FBXO8: variants seen among roughly 807,000 people sequenced by gnomAD.
The protein encoded by FBXO8 is F-box protein 8, also known as F-box only protein 8.
A neutral mutation model predicts 33.4 loss-of-function variants in FBXO8; 15 were observed. The ratio of observed to expected loss-of-function variants is 0.45; its 90% confidence interval spans 0.30 to 0.69. FBXO8 has a LOEUF of 0.69. Ranked by LOEUF, FBXO8 falls within the 30% of genes least tolerant of loss-of-function variation. The probability of loss-of-function intolerance (pLI) is 0.08; values close to 1 mark genes in which losing one functional copy is unlikely to be tolerated. For missense variants in FBXO8, 274 were observed against 380.3 expected (o/e 0.72, Z 2.32); for synonymous variants, 132 against 131.5 (o/e 1.00, Z -0.02).
rs1736327096 is a variant in FBXO8, at chr4:174,252,848, G to A, written c.456+6851C>T. ...TAGCCAGGTGTGGTGGCATGCACCT[G>A]TAATCCCAGCTACTCCAGAGGCTGA... is the stretch of plus-strand genomic sequence containing the variant. On this transcript the variant is annotated intron_variant, in intron 3 of 5. Coordinates refer to ENST00000393674, the MANE Select transcript of FBXO8 (RefSeq NM_012180.3). The surrounding 1 kb of genome is among the most constrained non-coding windows in gnomAD (Gnocchi z 5.1). Among the ~76,000 whole-genome samples the A allele has an allele frequency of 6.6e-6, 1 of 152,070 alleles. No individual in the cohort carries two copies. Among genetic ancestry groups the A allele is most frequent in the Non-Finnish European group, 1.5e-5 (1 of 68,010 alleles).
rs2126446965 is a variant in FBXO8, at chr4:174,272,992, T to C, written c.-8-9892A>G. ...AAAGGCAGTCTGTAAAATAACAGAA[T>C]ATTTTCCTTCAAAAACACCAATGCC... On this transcript the variant is annotated intron_variant, in intron 1 of 5. Coordinates refer to ENST00000393674, the MANE Select transcript of FBXO8 (RefSeq NM_012180.3). This position sits in a 1 kb window ranked among gnomAD's most constrained non-coding sequence, Gnocchi z 4.7. Among the ~76,000 whole-genome samples the C allele has an allele frequency of 6.6e-6, 1 of 152,266 alleles. No homozygotes were observed. Among genetic ancestry groups the C allele is most frequent in the South Asian group, 2.1e-4 (1 of 4,828 alleles).
rs1374194938 is a variant in FBXO8, at chr4:174,252,278, T to C, written c.456+7421A>G. On this transcript the variant is annotated intron_variant, in intron 3 of 5. Coordinates refer to ENST00000393674, the MANE Select transcript of FBXO8 (RefSeq NM_012180.3). The surrounding 1 kb of genome is among the most constrained non-coding windows in gnomAD (Gnocchi z 5.1). ...GCCACTGACTGTACCCAGTTAGCAATGTTTATTTTTAAAAATTTGCATTGA... is the reference window on the plus strand; with the variant it reads ...GCCACTGACTGTACCCAGTTAGCAACGTTTATTTTTAAAAATTTGCATTGA... Among the ~76,000 whole-genome samples the C allele has an allele frequency of 6.6e-6, 1 of 152,124 alleles. No homozygotes were observed. Among genetic ancestry groups the C allele is most frequent in the East Asian group, 1.9e-4 (1 of 5,188 alleles).
chr4:174,262,942 T>C lies in FBXO8; in HGVS notation c.151A>G (p.Ile51Val). Residue 51 changes from isoleucine to valine, a missense_variant, in exon 2 of 6, where the codon ATT becomes GTT. Around this residue, in one of 2 missense-constraint regions of FBXO8, gnomAD observed 88 missense variants for 86.9 expected, o/e 1.01. Transcript: ENST00000393674. The surrounding 1 kb of genome is among the most constrained non-coding windows in gnomAD (Gnocchi z 4.6). ...GCCTTCAAAAGATGATATATGTCAA[T>C]GCCTCCTTGGACTTGTTTACGATGA... is the stretch of plus-strand genomic sequence containing the variant. ...TNHRKQVQGG[I>V]DIYHLLKARK... is the part of the protein sequence containing the mutation. 6.2e-7 allele frequency: 1 copy of C among 1,614,094 alleles called. No individual in the cohort carries two copies.
At chr4:174,282,222 GT>G (rs1391060152) in intron 1 of FBXO8, among the ~76,000 whole-genome samples, 1 of 152,162 alleles carries the variant, frequency 6.6e-6, no homozygotes, top group Non-Finnish European at 1.5e-5. Context: ...TATGATCAAT[GT>G]TTTGGCTTAT....
chr4:174,276,441 T>C (rs1257659049), intron 1 of FBXO8, among the ~76,000 whole-genome samples: 1 of 152,242 alleles, frequency 6.6e-6, no homozygotes, highest in African/African-American at 2.4e-5. Flanking sequence ...TTTCACTATA[T>C]TGGCCAGGCT....
chr4:174,265,388 A>G lies in FBXO8; in HGVS notation c.-8-2288T>C, dbSNP rs1736671297. Among the ~76,000 whole-genome samples, 3 of 151,964 alleles carry G rather than the reference A, an allele frequency of 2.0e-5. No individual in the cohort carries two copies. The highest frequency in any genetic ancestry group is 4.4e-5 in the Non-Finnish European group (3 of 67,950). ...AAAGCTTATGTCCACACAAAAACCT[A>G]CACGTGAATGTTTAAAGCAGTTTTG... On this transcript the variant is annotated intron_variant, in intron 1 of 5. Coordinates refer to ENST00000393674, the MANE Select transcript of FBXO8 (RefSeq NM_012180.3). The surrounding 1 kb of genome is among the most constrained non-coding windows in gnomAD (Gnocchi z 4.7).
chr4:174,259,876 CTAAGT>C lies in FBXO8; in HGVS notation c.330-56_330-52del, dbSNP rs1241936548. On this transcript the variant is annotated intron_variant, in intron 2 of 5. Coordinates refer to ENST00000393674, the MANE Select transcript of FBXO8 (RefSeq NM_012180.3). The surrounding 1 kb of genome is among the most constrained non-coding windows in gnomAD (Gnocchi z 4.3). ...AGAAAACATTACTACATTTAATTTC[CTAAGT>C]TAAATATGCATATACATGCAAAAAT... The C allele has an allele frequency of 2.0e-6, 3 of 1,501,906 alleles. No homozygotes were observed. The highest frequency in any genetic ancestry group is 5.0e-5 in the Admixed American group (2 of 40,300). The allele number at this position is 1,501,906 out of a possible 1,614,324, so 93.0% of individuals were successfully genotyped here.
Position 174,262,885 on chromosome 4 carries a change from TA to T in FBXO8, c.207del (p.Asn70IlefsTer9). 1 of 1,614,024 alleles carries T rather than the reference TA, an allele frequency of 6.2e-7. No individual in the cohort carries two copies. ...ARKSKEQEGFINLEMLPPELS... is the reference protein window; with the variant it reads ...ARKSKEQEGFXNLEMLPPELS... ...AGCTCAGGAGGCAACATTTCCAAAT[TA>T]ATGAATCCTTCCTGTTCTTTCGATT... On this transcript the variant is annotated frameshift_variant, in exon 2 of 6. Transcript: ENST00000393674. LOFTEE classifies it high-confidence loss of function. The surrounding 1 kb of genome is among the most constrained non-coding windows in gnomAD (Gnocchi z 4.6).
At position 174,270,050 on chromosome 4, in the gene FBXO8, C is replaced by G. The variant is rs1241771528; in HGVS notation, c.-8-6950G>C. Reference sequence around the variant, plus strand: ...TACACTCAGGGAGCATGGTAGTAAACAGGAAACTTAGAAGCCTGACATGAA... The same window carrying G: ...TACACTCAGGGAGCATGGTAGTAAAGAGGAAACTTAGAAGCCTGACATGAA... On this transcript the variant is annotated intron_variant, in intron 1 of 5. Transcript: ENST00000393674. This position sits in a 1 kb window ranked among gnomAD's most constrained non-coding sequence, Gnocchi z 4.6. Among the ~76,000 whole-genome samples the G allele has an allele frequency of 6.6e-6, 1 of 152,142 alleles. No individual in the cohort carries two copies.
rs1736945494 is a variant in FBXO8, at chr4:174,275,699, T to G, written c.-9+7711A>C. Among the ~76,000 whole-genome samples, 1 of 152,180 alleles carries G rather than the reference T, an allele frequency of 6.6e-6. No individual in the cohort carries two copies. Among genetic ancestry groups the G allele is most frequent in the Non-Finnish European group, 1.5e-5 (1 of 68,032 alleles). ...AGAGGGTGAGCAAAGACATGGGAAG[T>G]CTACCATCATTTCACAAATAGTAAC... On this transcript the variant is annotated intron_variant, in intron 1 of 5. Transcript: ENST00000393674. The surrounding 1 kb of genome is among the most constrained non-coding windows in gnomAD (Gnocchi z 4.4).
At chr4:174,276,004 T>C (rs570768379) in intron 1 of FBXO8, among the ~76,000 whole-genome samples, 1 of 152,302 alleles carries the variant, frequency 6.6e-6, no homozygotes, top group South Asian at 2.1e-4. Flanking sequence ...AAAATTGGTA[T>C]AATTACTTAT....
rs199765247 is a variant in FBXO8 at position 174,239,200 on chromosome 4, G to C, written c.576-10C>G. 2.7e-6 allele frequency: 4 copies of C among 1,478,760 alleles called. No individual in the cohort carries two copies. The highest frequency in any genetic ancestry group is 2.7e-6 in the Non-Finnish European group (3 of 1,109,144). The allele number at this position is 1,478,760 out of a possible 1,614,324, so 91.6% of individuals were successfully genotyped here. A position where few individuals can be genotyped will look rare whatever the true frequency, so the allele number is the denominator to read the frequency against. On this transcript the variant is annotated splice_polypyrimidine_tract_variant and intron_variant, in intron 4 of 5. Transcript: ENST00000393674. The stretch of plus-strand genomic sequence containing the variant: ...ATCCAAGACATCTCTCCTACAGAAA[G>C]AAAAAAAGGCACAGCTTTGGTTAAC...
At chr4:174,282,685 A>T (rs1737148288) in intron 1 of FBXO8, among the ~76,000 whole-genome samples, 1 of 152,146 alleles carries the variant, frequency 6.6e-6, no homozygotes, top group Admixed American at 6.5e-5. Context: ...CCGTAATAAA[A>T]ATCATGATAT....
chr4:174,268,776 G>A (rs1736763283), intron 1 of FBXO8, among the ~76,000 whole-genome samples: 1 of 152,168 alleles, frequency 6.6e-6, no homozygotes, highest in Non-Finnish European at 1.5e-5. Context: ...GAAAAAGCAT[G>A]TGGGAAATGT....
chr4:174,269,643 G>A (rs1736786895), intron 1 of FBXO8, among the ~76,000 whole-genome samples: 2 of 149,462 alleles, frequency 1.3e-5, no homozygotes, highest in Non-Finnish European at 3.0e-5. Flanking sequence ...CGAGAATGTG[G>A]CACTCCAGCC....
intron 1 of FBXO8, among the ~76,000 whole-genome samples, chr4:174,279,038 T>C (rs1454400619): frequency 6.6e-6 from 1 of 151,938 alleles, no homozygotes; most frequent in Non-Finnish European, 1.5e-5. Flanking sequence ...AGCTATAAAA[T>C]TCCATGGTTC....
chr4:174,282,412 AC>A (rs1393198499), intron 1 of FBXO8, among the ~76,000 whole-genome samples: 2 of 152,176 alleles, frequency 1.3e-5, no homozygotes, highest in African/African-American at 4.8e-5. Flanking sequence ...GTAATTTGTT[AC>A]CCAGCAATAG....
Position 174,261,992 on chromosome 4 carries a change from C to T in FBXO8, c.329+772G>A, listed in dbSNP as rs1343548301. ...TTCCATGTTTGGTAATATTTTTAGG[C>T]CAAAAAATCATGTACCTATACTTTT... On this transcript the variant is annotated intron_variant, in intron 2 of 5. Coordinates refer to ENST00000393674, the MANE Select transcript of FBXO8 (RefSeq NM_012180.3). This position sits in a 1 kb window ranked among gnomAD's most constrained non-coding sequence, Gnocchi z 4.1. Among the ~76,000 whole-genome samples the T allele has an allele frequency of 2.6e-5, 4 of 151,830 alleles. No individual in the cohort carries two copies. The highest frequency in any genetic ancestry group is 5.9e-5 in the Non-Finnish European group (4 of 67,896).
rs1160892643 is a variant in FBXO8, at chr4:174,253,246, G to T, written c.456+6453C>A. ...AAAATTACTTTTATCATAGGATATA[G>T]TGCCACTAGAAGGAACCCCAAGACA... On this transcript the variant is annotated intron_variant, in intron 3 of 5. Transcript: ENST00000393674. This position sits in a 1 kb window ranked among gnomAD's most constrained non-coding sequence, Gnocchi z 4.5. 6.6e-6 allele frequency among the ~76,000 whole-genome samples: 1 copy of T among 152,134 alleles called. No homozygotes were observed. The highest frequency in any genetic ancestry group is 2.4e-5 in the African/African-American group (1 of 41,422).
Sources: gnomAD v4.1 joint callset for allele counts (sites outside exome capture counted in the v4.1 genomes callset) on GRCh38, gnomAD v4.1.1 for gene constraint, gnomAD v4.1.1 regional missense constraint, Gnocchi (gnomAD v3.1) non-coding constraint, MANE v1.5 for transcripts, NCBI Gene and HGNC (gene_info 2026-07-23, HGNC 2026-07-21) for gene names.